Variants in GPRIN3 observed in about 807,000 individuals in gnomAD.
The protein encoded by GPRIN3 is GPRIN family member 3.
GPRIN3 carries 12 observed loss-of-function variants against 13.7 expected under a neutral mutation model. The observed-to-expected ratio is 0.87, with a 90% CI of 0.56 to 1.42. GPRIN3 has a LOEUF of 1.42. Ranked by LOEUF, GPRIN3 falls within the 40% of genes most tolerant of loss-of-function variation. The pLI is 0.00. For synonymous variants in GPRIN3, 377 were observed against 372.7 expected (o/e 1.01, Z -0.13); for missense variants, 1,009 against 958.7 (o/e 1.05, Z -0.69).
intron 1 of GPRIN3, among the ~76,000 whole-genome samples, chr4:89,271,270 C>G (rs142630014): frequency 1.3e-5 from 2 of 152,146 alleles, no homozygotes; most frequent in Non-Finnish European, 2.9e-5. Flanking sequence ...AGTCAAATAG[C>G]TAGTAAGAAA....
chr4:89,275,804 C>T (rs1330617622), intron 1 of GPRIN3, among the ~76,000 whole-genome samples: 6 of 152,160 alleles, frequency 3.9e-5, no homozygotes, highest in Non-Finnish European at 5.9e-5. Context: ...AACTACAATG[C>T]CGTCACGGTA....
chr4:89,271,691 G>C (rs1409027537), intron 1 of GPRIN3, among the ~76,000 whole-genome samples: 2 of 152,016 alleles, frequency 1.3e-5, no homozygotes, highest in South Asian at 2.1e-4. Context: ...GCTGTATTGG[G>C]GGTAGTGGAG....
chr4:89,244,136 A>G lies in GPRIN3; in HGVS notation c.*3644T>C, dbSNP rs1205860995. 2 of 152,224 alleles carry G rather than the reference A, an allele frequency of 1.3e-5. No individual in the cohort carries two copies. Among genetic ancestry groups the G allele is most frequent in the African/African-American group, 4.8e-5 (2 of 41,462 alleles). The allele number at this position is 152,224 out of a possible 1,614,324, so 9.4% of individuals were successfully genotyped here. ...CAGAAATGAGAGGAAAAACATTAGT[A>G]TAAGCTAGGAACAGTGAAACCTCAA... On this transcript the variant is annotated 3_prime_UTR_variant, in exon 2 of 2. Transcript: ENST00000609438.
intron 1 of GPRIN3, among the ~76,000 whole-genome samples, chr4:89,301,496 T>C (rs562040481): frequency 6.6e-6 from 1 of 152,228 alleles, no homozygotes; most frequent in Non-Finnish European, 1.5e-5. Flanking sequence ...TCAGAAAATA[T>C]AGTTCACACA....
chr4:89,305,939 G>T (rs1181376088), intron 1 of GPRIN3, among the ~76,000 whole-genome samples: 1 of 152,170 alleles, frequency 6.6e-6, no homozygotes, highest in Non-Finnish European at 1.5e-5. Flanking sequence ...AGTCTAGTTA[G>T]TGATTAGGTG....
Position 89,241,916 on chromosome 4 carries a change from T to C in GPRIN3, c.*5864A>G, listed in dbSNP as rs1002933484. The C allele has an allele frequency of 6.6e-6, 1 of 152,112 alleles. No individual in the cohort carries two copies. The highest frequency in any genetic ancestry group is 2.4e-5 in the African/African-American group (1 of 41,428). The allele number at this position is 152,112 out of a possible 1,614,324, so 9.4% of individuals were successfully genotyped here. On this transcript the variant is annotated 3_prime_UTR_variant, in exon 2 of 2. Coordinates refer to ENST00000609438, the MANE Select transcript of GPRIN3 (RefSeq NM_198281.3). ...CAAGAGTTTTTCTAAAGAGAGACAA[T>C]TTTTAAAGCAACAAAGAACAATACT... is the stretch of plus-strand genomic sequence containing the variant.
intron 1 of GPRIN3, chr4:89,250,992 T>G (rs896791552): frequency 6.6e-6 from 1 of 152,142 alleles, no homozygotes; most frequent in African/African-American, 2.4e-5. Flanking sequence ...ATTCAAAACC[T>G]GAATTTTATG....
At chr4:89,267,632 A>G (rs1723816702) in intron 1 of GPRIN3, among the ~76,000 whole-genome samples, 1 of 152,204 alleles carries the variant, frequency 6.6e-6, no homozygotes, top group South Asian at 2.1e-4. Flanking sequence ...TCTGGGCCCC[A>G]GTCCATCTCT....
Position 89,250,023 on chromosome 4 carries a change from C to T in GPRIN3, c.88G>A (p.Ala30Thr), listed in dbSNP as rs1723281771. 1.2e-6 allele frequency: 2 copies of T among 1,614,200 alleles called. No homozygotes were observed. The highest frequency in any genetic ancestry group is 1.3e-5 in the African/African-American group (1 of 75,060). Residue 30 changes from alanine (A) to threonine (T), a missense_variant, in exon 2 of 2, where the codon GCT (alanine) becomes ACT (threonine). Coordinates refer to ENST00000609438, the MANE Select transcript of GPRIN3 (RefSeq NM_198281.3). The stretch of plus-strand genomic sequence containing the variant: ...GCTGGTCGATGCCGAGGTGAGGCAG[C>T]CTGTGGCTCTCCTAGATCGTCTTCT... ...GKEDDLGEPQ[A>T]ASPRHRPALL...
chr4:89,303,364 G>C (rs1006292680), intron 1 of GPRIN3, among the ~76,000 whole-genome samples: 1 of 152,062 alleles, frequency 6.6e-6, no homozygotes. Context: ...AAATAATCAC[G>C]CCACAATGTG....
At chr4:89,275,189 T>C (rs1455771982) in intron 1 of GPRIN3, among the ~76,000 whole-genome samples, 4 of 151,362 alleles carry the variant, frequency 2.6e-5, no homozygotes, top group African/African-American at 4.9e-5. Flanking sequence ...GTATGGTATG[T>C]GAGCCCACAC....
chr4:89,285,194 C>T (rs1242039669), intron 1 of GPRIN3, among the ~76,000 whole-genome samples: 3 of 94,054 alleles, frequency 3.2e-5, no homozygotes, highest in Non-Finnish European at 6.7e-5. Context: ...CTACACAGGG[C>T]GGGGTCGGTT....
intron 1 of GPRIN3, among the ~76,000 whole-genome samples, chr4:89,288,881 C>T (rs1377224959): frequency 6.6e-6 from 1 of 152,118 alleles, no homozygotes; most frequent in Non-Finnish European, 1.5e-5. Context: ...ATTTACTCTC[C>T]ACAACAAGCC....
Position 89,250,173 on chromosome 4 carries a change from G to A in GPRIN3, c.-63C>T, listed in dbSNP as rs868050985. The A allele has an allele frequency of 3.9e-6, 6 of 1,541,386 alleles. No homozygotes were observed. Among genetic ancestry groups the A allele is most frequent in the Non-Finnish European group, 5.2e-6 (6 of 1,144,168 alleles). On this transcript the variant is annotated 5_prime_UTR_variant, in exon 2 of 2. Coordinates refer to ENST00000609438, the MANE Select transcript of GPRIN3 (RefSeq NM_198281.3). ...GTACTGGTCCCACTGGTGGGGGAGG[G>A]GAGCGCAGTCAGAGCTCAGAGTGAT... is the stretch of plus-strand genomic sequence containing the variant.
intron 1 of GPRIN3, among the ~76,000 whole-genome samples, chr4:89,296,895 T>G (rs768520934): frequency 6.6e-6 from 1 of 152,240 alleles, no homozygotes; most frequent in African/African-American, 2.4e-5. Flanking sequence ...ATTGCTCATT[T>G]AGAAGCTTTC....
intron 1 of GPRIN3, among the ~76,000 whole-genome samples, chr4:89,271,957 C>T (rs1457724298): frequency 6.6e-6 from 1 of 152,064 alleles, no homozygotes; most frequent in East Asian, 1.9e-4. Context: ...GAGATTATTG[C>T]TTTTGTAAAA....
rs1293496911 is a variant in GPRIN3, at chr4:89,247,742, C to G, written c.*38G>C. ...TGACATAGAGGGACGCATGTGAATA[C>G]CGTAAATTTATACACAAACTCCCAT... On this transcript the variant is annotated 3_prime_UTR_variant, in exon 2 of 2. Coordinates refer to ENST00000609438, the MANE Select transcript of GPRIN3 (RefSeq NM_198281.3). 1 of 1,555,462 alleles carries G rather than the reference C, an allele frequency of 6.4e-7. No individual in the cohort carries two copies. Among genetic ancestry groups the G allele is most frequent in the East Asian group, 2.3e-5 (1 of 44,278 alleles).
chr4:89,236,899 T>A lies in GPRIN3; in HGVS notation c.*10881A>T, dbSNP rs1272564973. The stretch of plus-strand genomic sequence containing the variant: ...AGCAAAACGTCTGGCACAAAGGCAT[T>A]ATTTTTTGTTTTGGCTTTGGGCTAA... On this transcript the variant is annotated 3_prime_UTR_variant, in exon 2 of 2. Transcript: ENST00000609438. 1 of 152,216 alleles carries A rather than the reference T, an allele frequency of 6.6e-6. No individual in the cohort carries two copies. The highest frequency in any genetic ancestry group is 1.5e-5 in the Non-Finnish European group (1 of 68,032). The allele number at this position is 152,216 out of a possible 1,614,324, so 9.4% of individuals were successfully genotyped here.
At chr4:89,272,061 A>T (rs1309803686) in intron 1 of GPRIN3, among the ~76,000 whole-genome samples, 1 of 152,038 alleles carries the variant, frequency 6.6e-6, no homozygotes, top group Non-Finnish European at 1.5e-5. Flanking sequence ...TTCTCGAGAC[A>T]CTGACTGCCG....
Sources: gnomAD v4.1 joint callset for allele counts (sites outside exome capture counted in the v4.1 genomes callset) on GRCh38, gnomAD v4.1.1 for gene constraint, MANE v1.5 for transcripts, NCBI Gene and HGNC (gene_info 2026-07-23, HGNC 2026-07-21) for gene names.